FGF13: variants seen among roughly 807,000 people sequenced by gnomAD.
The protein encoded by FGF13 is fibroblast growth factor homologous factor 2.
FGF13 carries 2 observed loss-of-function variants against 19.5 expected under a neutral mutation model. The observed-to-expected ratio is 0.10, with a 90% CI of 0.04 to 0.32. FGF13 has a LOEUF of 0.32. FGF13 is among the 10% of genes least tolerant of loss of function. The pLI is 1.00. For missense variants in FGF13, 113 were observed against 192.7 expected (o/e 0.59, Z 2.45); for synonymous variants, 72 against 76.9 (o/e 0.94, Z 0.33).
intron 1 of FGF13, among the ~76,000 whole-genome samples, chrX:139,054,894 GTTGTGTTGTA>G (rs1199906021): frequency 1.7e-4 from 15 of 85,995 alleles, no homozygotes; most frequent in East Asian, 1.0e-3. Flanking sequence ...GTTGTGTTGT[GTTGTGTTGTA>G]TTGTATTGTA....
At chrX:138,885,241 TCTAA>T (rs2091446011) in intron 1 of FGF13, among the ~76,000 whole-genome samples, 1 of 111,059 alleles carries the variant, frequency 9.0e-6, no homozygotes, top group African/African-American at 3.3e-5. Context: ...GGAGTCTAGC[TCTAA>T]CTGACCCCAG....
chrX:139,170,244 T>A (rs891358610), intron 1 of FGF13, among the ~76,000 whole-genome samples: 7 of 111,738 alleles, frequency 6.3e-5, no homozygotes, highest in Non-Finnish European at 1.1e-4. Context: ...TTTAGTTCCA[T>A]TGCCACCCTA....
At chrX:138,720,956 G>GT (rs778907782) in intron 1 of FGF13, among the ~76,000 whole-genome samples, 11 of 111,982 alleles carry the variant, frequency 9.8e-5, no homozygotes, top group Admixed American at 1.9e-4. Flanking sequence ...ATGAACATTT[G>GT]TAAGTTTTTA....
upstream of FGF13, among the ~76,000 whole-genome samples, chrX:138,713,767 C>T (rs946866707): frequency 2.3e-4 from 26 of 111,989 alleles, no homozygotes; most frequent in African/African-American, 8.4e-4. Flanking sequence ...CTCTGTGGTA[C>T]ATATTAGAGG....
At chrX:138,801,471 G>C (rs989568685) in intron 3 of FGF13, among the ~76,000 whole-genome samples, 2 of 111,433 alleles carry the variant, frequency 1.8e-5, no homozygotes, top group South Asian at 7.7e-4. Context: ...ACCCCAGAGG[G>C]GCACCCGCCT....
chrX:138,964,646 G>A (rs567311627), intron 1 of FGF13, among the ~76,000 whole-genome samples: 6 of 111,863 alleles, frequency 5.4e-5, no homozygotes, highest in South Asian at 7.6e-4. Context: ...TACAAGAAGC[G>A]TAGTGCCAGC....
intron 3 of FGF13, among the ~76,000 whole-genome samples, chrX:138,784,293 T>C (rs1237252150): frequency 1.0e-5 from 1 of 100,317 alleles, no homozygotes; most frequent in Non-Finnish European, 2.0e-5. Flanking sequence ...TGTGCACATG[T>C]ACCCTAAAAC....
intron 1 of FGF13, among the ~76,000 whole-genome samples, chrX:139,162,630 G>T (rs1308080595): frequency 4.5e-5 from 5 of 111,941 alleles, no homozygotes; most frequent in African/African-American, 1.6e-4. Context: ...GAAAATTTTT[G>T]CATTCTATCC....
chrX:138,804,388 G>A (rs187624548), intron 3 of FGF13, among the ~76,000 whole-genome samples: 5 of 111,947 alleles, frequency 4.5e-5, no homozygotes, highest in African/African-American at 1.3e-4. Context: ...ATCATTATCT[G>A]TCATATGTCA....
At chrX:138,946,296 T>C (rs2124280354) in intron 1 of FGF13, among the ~76,000 whole-genome samples, 1 of 112,135 alleles carries the variant, frequency 8.9e-6, no homozygotes, top group East Asian at 2.8e-4. Flanking sequence ...TCACTGTGTG[T>C]TCTCTTAAAG....
chrX:139,204,617 C>A (rs1488477438), upstream of FGF13, among the ~76,000 whole-genome samples: 1 of 112,976 alleles, frequency 8.9e-6, no homozygotes, highest in Admixed American at 9.2e-5. Context: ...CAATCCGCTG[C>A]GGGCCGCCAA....
At chrX:138,680,996 A>C (rs2089722323) in intron 3 of FGF13, among the ~76,000 whole-genome samples, 1 of 109,207 alleles carries the variant, frequency 9.2e-6, no homozygotes. Context: ...ACATGGTGAA[A>C]CCCTGTCTCT....
intron 1 of FGF13, among the ~76,000 whole-genome samples, chrX:138,723,129 A>G (rs1172759751): frequency 5.4e-5 from 6 of 111,626 alleles, no homozygotes; most frequent in Admixed American, 9.5e-5. Context: ...ATATGCAAAT[A>G]ATCCTGATTT....
chrX:138,722,048 G>T (rs1174751362), intron 1 of FGF13, among the ~76,000 whole-genome samples: 1 of 111,183 alleles, frequency 9.0e-6, no homozygotes, highest in Non-Finnish European at 1.9e-5. Context: ...TTCCAAAGAA[G>T]AATTGAAGTG....
chrX:139,110,155 A>G (rs1164781431), intron 1 of FGF13, among the ~76,000 whole-genome samples: 8 of 110,669 alleles, frequency 7.2e-5, no homozygotes, highest in Non-Finnish European at 1.5e-4. Flanking sequence ...TATTTCAAAT[A>G]TTTATGTATT....
chrX:138,698,791 G>A (rs2089919852), intron 3 of FGF13, among the ~76,000 whole-genome samples: 1 of 111,539 alleles, frequency 9.0e-6, no homozygotes, highest in African/African-American at 3.3e-5. Flanking sequence ...CAAACTTTCT[G>A]GGAGGTAAAG....
At chrX:139,026,576 C>T (rs1359199829) in intron 1 of FGF13, among the ~76,000 whole-genome samples, 1 of 111,895 alleles carries the variant, frequency 8.9e-6, no homozygotes, top group Non-Finnish European at 1.9e-5. Context: ...AGGTCAGTAT[C>T]CTCTGGTGTT....
intron 1 of FGF13, among the ~76,000 whole-genome samples, chrX:139,102,094 T>G (rs1215091135): frequency 8.9e-6 from 1 of 112,341 alleles, no homozygotes; most frequent in Admixed American, 9.5e-5. Flanking sequence ...GTTCTTCTAG[T>G]TGTTTGTGTA....
intron 1 of FGF13, among the ~76,000 whole-genome samples, chrX:139,042,305 GGC>G (rs2092272462): frequency 9.0e-6 from 1 of 111,604 alleles, no homozygotes; most frequent in African/African-American, 3.3e-5. Flanking sequence ...GGTATGTGGA[GGC>G]AGATCCATGA....
Sources: allele counts gnomAD v4.1 joint callset (sites outside exome capture counted in the v4.1 genomes callset), GRCh38; gene constraint gnomAD v4.1.1; transcripts MANE v1.5; gene names NCBI Gene and HGNC (gene_info 2026-07-23, HGNC 2026-07-21).